The following FYN variants were observed in gnomAD, a reference collection of about 807,000 sequenced individuals.
FYN encodes the protein tyrosine-protein kinase Fyn.
A neutral mutation model predicts 70.2 loss-of-function variants in FYN; 10 were observed. That is an observed-to-expected ratio of 0.14 (90% confidence interval 0.09 to 0.24). The LOEUF is 0.24. Among genes scored for constraint, FYN ranks in the 10% least tolerant of loss-of-function variants. The probability of loss-of-function intolerance (pLI) is 1.00; values close to 1 mark genes in which losing one functional copy is unlikely to be tolerated. For synonymous variants in FYN, 236 were observed against 248.6 expected, an observed-to-expected ratio of 0.95 and a Z score of 0.48; for missense variants, 319 against 673.1, an observed-to-expected ratio of 0.47 and a Z score of 5.82.
chr6:111,716,121 G>C (rs1800631811), intron 4 of FYN, among the ~76,000 whole-genome samples: 1 of 152,240 alleles, frequency 6.6e-6, no homozygotes, highest in South Asian at 2.1e-4. Flanking sequence ...TGTCTGGTCA[G>C]CTGTGTATGA....
chr6:111,792,167 G>C (rs1173859635), intron 2 of FYN, among the ~76,000 whole-genome samples: 1 of 152,068 alleles, frequency 6.6e-6, no homozygotes, highest in African/African-American at 2.4e-5. Context: ...GGAAAAGGCA[G>C]ACAATCCAAT....
intron 2 of FYN, chr6:111,818,536 T>C (rs1466173800): frequency 6.6e-6 from 1 of 152,248 alleles, no homozygotes. Flanking sequence ...TGCAAGATGC[T>C]TGGCCAGCCT....
intron 3 of FYN, among the ~76,000 whole-genome samples, chr6:111,738,168 A>C (rs1214132332): frequency 1.3e-5 from 2 of 152,200 alleles, no homozygotes; most frequent in Admixed American, 6.5e-5. Context: ...CGCTAGCAGG[A>C]CGTCAACAAT....
intron 2 of FYN, among the ~76,000 whole-genome samples, chr6:111,786,065 A>T (rs1771365499): frequency 6.8e-6 from 1 of 146,566 alleles, no homozygotes; most frequent in African/African-American, 2.5e-5. Context: ...ATTTTAAATT[A>T]TTTTTTTATT....
chr6:111,675,448 A>T (rs944119430), intron 12 of FYN, among the ~76,000 whole-genome samples: 2 of 151,814 alleles, frequency 1.3e-5, no homozygotes, highest in African/African-American at 2.4e-5. Flanking sequence ...AACCAAAAGG[A>T]AGGGTGTGGT....
intron 12 of FYN, among the ~76,000 whole-genome samples, chr6:111,685,552 G>A (rs534798877): frequency 6.6e-6 from 1 of 152,338 alleles, no homozygotes; most frequent in Admixed American, 6.5e-5. Context: ...AGAACTTGGG[G>A]CAGTTTACAA....
intron 12 of FYN, among the ~76,000 whole-genome samples, chr6:111,679,342 C>A (rs1012554925): frequency 6.6e-6 from 1 of 152,098 alleles, no homozygotes; most frequent in African/African-American, 2.4e-5. Context: ...TACTTTTTTT[C>A]AGTAAATATT....
intron 3 of FYN, among the ~76,000 whole-genome samples, chr6:111,731,514 T>A (rs1022774437): frequency 1.3e-5 from 2 of 152,192 alleles, no homozygotes; most frequent in East Asian, 1.9e-4. Context: ...AAGAATAACA[T>A]GAAGCCCAGT....
chr6:111,678,950 C>G lies in FYN; in HGVS notation c.1274-4320G>C, dbSNP rs535614187. Among the ~76,000 whole-genome samples, 10 of 152,312 alleles carry G rather than the reference C, an allele frequency of 6.6e-5. No individual in the cohort carries two copies. The East Asian group carries it at 1.9e-3, about 29-fold the overall frequency. ...TGATCTTGAATTCACTACCCTTCCT[C>G]TAGTCCTCGCTTGCTCAGCATGTCC... On this transcript the variant is annotated intron_variant, in intron 12 of 13. Coordinates refer to ENST00000354650, the MANE Select transcript of FYN (RefSeq NM_002037.5).
chr6:111,852,901 G>A (rs1773722528), intron 1 of FYN, among the ~76,000 whole-genome samples: 1 of 152,124 alleles, frequency 6.6e-6, no homozygotes, highest in African/African-American at 2.4e-5. Flanking sequence ...ACTGTCCTTG[G>A]AAAGGCATTC....
intron 1 of FYN, among the ~76,000 whole-genome samples, chr6:111,868,188 A>G (rs368613722): frequency 6.6e-6 from 1 of 152,024 alleles, no homozygotes; most frequent in East Asian, 1.9e-4. Context: ...GGACCCCTAA[A>G]ATCCCAGCAT....
intron 2 of FYN, chr6:111,818,616 T>TG (rs1356010274): frequency 1.3e-5 from 2 of 152,526 alleles, no homozygotes; most frequent in Admixed American, 6.5e-5. Flanking sequence ...AATGAGTACC[T>TG]GGTCTGTTGC....
At chr6:111,676,992 T>C (rs1390338174) in intron 12 of FYN, among the ~76,000 whole-genome samples, 1 of 152,232 alleles carries the variant, frequency 6.6e-6, no homozygotes, top group Non-Finnish European at 1.5e-5. Context: ...AGGATTATAA[T>C]ATATAAACCT....
intron 13 of FYN, among the ~76,000 whole-genome samples, chr6:111,666,762 G>A (rs188961127): frequency 1.3e-5 from 2 of 152,284 alleles, no homozygotes; most frequent in East Asian, 3.9e-4. Context: ...GAGCCCAGGA[G>A]GTTGAGGCTG....
intron 12 of FYN, among the ~76,000 whole-genome samples, chr6:111,684,572 T>A (rs1422666351): frequency 6.6e-6 from 1 of 152,122 alleles, no homozygotes; most frequent in Non-Finnish European, 1.5e-5. Flanking sequence ...GATCCAGACA[T>A]GGAGGCTACC....
intron 2 of FYN, among the ~76,000 whole-genome samples, chr6:111,827,930 G>A (rs952180133): frequency 1.3e-5 from 2 of 152,140 alleles, no homozygotes; most frequent in East Asian, 3.8e-4. Flanking sequence ...AGGCAGGCTT[G>A]CCCTCCTTAC....
chr6:111,788,197 T>G (rs942322049), intron 2 of FYN, among the ~76,000 whole-genome samples: 2 of 152,192 alleles, frequency 1.3e-5, no homozygotes, highest in Admixed American at 1.3e-4. Flanking sequence ...GTACAACTTT[T>G]CACGCTATCT....
intron 12 of FYN, among the ~76,000 whole-genome samples, chr6:111,690,047 T>C (rs1034452348): frequency 4.6e-5 from 7 of 152,284 alleles, no homozygotes; most frequent in South Asian, 4.1e-4. Flanking sequence ...AAGAAAAAAC[T>C]AGAGTCTGCA....
At chr6:111,790,247 TACACACACAC>T (rs61565042) in intron 2 of FYN, among the ~76,000 whole-genome samples, 6,046 of 125,940 alleles carry the variant, frequency 0.048, 261 homozygotes, top group African/African-American at 0.12. Flanking sequence ...GAACCTTAGA[TACACACACAC>T]ACACACACAC....
Sources: gnomAD v4.1 joint callset for allele counts (sites outside exome capture counted in the v4.1 genomes callset) on GRCh38, gnomAD v4.1.1 for gene constraint, MANE v1.5 for transcripts, NCBI Gene and HGNC (gene_info 2026-07-23, HGNC 2026-07-21) for gene names.